TXNL1: variants seen among roughly 807,000 people sequenced by gnomAD.
TXNL1 encodes thioredoxin like 1, also known as thioredoxin-like protein 1.
Under a neutral mutation model 35.5 loss-of-function variants are expected in TXNL1, and 14 were observed. The observed-to-expected ratio is 0.39, with a 90% CI of 0.26 to 0.62. TXNL1 has a LOEUF of 0.62. TXNL1 is among the 20% of genes least tolerant of loss of function. The pLI is 0.47. For synonymous variants in TXNL1, 110 were observed against 115.5 expected (o/e 0.95, Z 0.31); for missense variants, 263 against 349.7 (o/e 0.75, Z 1.98).
At chr18:56,608,648 CA>C (rs1459295947) in intron 7 of TXNL1, 3 of 152,072 alleles carry the variant, frequency 2.0e-5, no homozygotes, top group African/African-American at 7.2e-5. Flanking sequence ...CACAAGTATC[CA>C]GGGGAGTTTT....
chr18:56,625,190 C>G (rs573853456), intron 2 of TXNL1, among the ~76,000 whole-genome samples: 2 of 152,072 alleles, frequency 1.3e-5, no homozygotes, highest in African/African-American at 4.8e-5. Flanking sequence ...AAAGATAACA[C>G]AGGAATGTCT....
intron 1 of TXNL1, among the ~76,000 whole-genome samples, chr18:56,627,511 T>C (rs1202849867): frequency 6.6e-6 from 1 of 152,204 alleles, no homozygotes. Flanking sequence ...ATTAAGAGAA[T>C]ATAGTACTTG....
At chr18:56,603,338 G>T (rs2023838463) in intron 7 of TXNL1, among the ~76,000 whole-genome samples, 4 of 148,104 alleles carry the variant, frequency 2.7e-5, no homozygotes, top group African/African-American at 9.8e-5. Flanking sequence ...GTTTAGAGAA[G>T]TTAATTTAAA....
chr18:56,633,698 A>C (rs1489097374), intron 1 of TXNL1, among the ~76,000 whole-genome samples: 1 of 151,610 alleles, frequency 6.6e-6, no homozygotes, highest in Non-Finnish European at 1.5e-5. Context: ...CAAGATAAAA[A>C]CCATTGGCTG....
At chr18:56,615,987 G>A (rs375005465) in intron 5 of TXNL1, among the ~76,000 whole-genome samples, 2 of 151,986 alleles carry the variant, frequency 1.3e-5, no homozygotes, top group Non-Finnish European at 2.9e-5. Flanking sequence ...TCAGCCAGGC[G>A]TGGTGGCGCC....
chr18:56,618,108 T>C lies in TXNL1; in HGVS notation c.388A>G (p.Ile130Val), dbSNP rs2024120768. 1 of 1,613,700 alleles carries C rather than the reference T, an allele frequency of 6.2e-7. No individual in the cohort carries two copies. Among genetic ancestry groups the C allele is most frequent in the South Asian group, 1.1e-5 (1 of 91,064 alleles). The change falls in exon 4 of 8, where the codon ATT (isoleucine) becomes GTT (valine). Residue 130 changes from isoleucine (I) to valine (V), a missense_variant. By Grantham distance (29) the Ile-to-Val change is conservative (BLOSUM62 3). Coordinates refer to ENST00000217515, the MANE Select transcript of TXNL1 (RefSeq NM_004786.3). ...AGACATTCACAACCAGCTTTGTTAA[T>C]AAAAGGCATTAAATCCATCTGAAAA... Reference protein sequence around the residue: ...PKGYMDLMPFINKAGCECLNE... With the variant: ...PKGYMDLMPFVNKAGCECLNE...
At chr18:56,622,010 C>CAAAA (rs373833617) in intron 3 of TXNL1, among the ~76,000 whole-genome samples, 1 of 73,146 alleles carries the variant, frequency 1.4e-5, no homozygotes, top group Admixed American at 1.6e-4. Flanking sequence ...AACTCCATCT[C>CAAAA]AAAAAAAAAA....
intron 6 of TXNL1, among the ~76,000 whole-genome samples, chr18:56,613,922 T>C (rs2024038224): frequency 6.6e-6 from 1 of 151,796 alleles, no homozygotes; most frequent in Non-Finnish European, 1.5e-5. Flanking sequence ...AATCCCAGCT[T>C]CTCAGGAGGC....
intron 1 of TXNL1, among the ~76,000 whole-genome samples, chr18:56,636,709 C>G (rs9789165): frequency 0.066 from 10,105 of 152,216 alleles, 525 homozygotes; most frequent in East Asian, 0.23. Flanking sequence ...CCCCAGTTTT[C>G]TCACTTCAAT....
At chr18:56,622,648 T>C (rs942792254) in intron 3 of TXNL1, among the ~76,000 whole-genome samples, 32 of 152,204 alleles carry the variant, frequency 2.1e-4, no homozygotes, top group African/African-American at 5.8e-4. Flanking sequence ...TCCTATTTCC[T>C]ATCTGAGGCC....
chr18:56,618,655 C>T (rs2024129532), intron 3 of TXNL1, among the ~76,000 whole-genome samples: 1 of 151,854 alleles, frequency 6.6e-6, no homozygotes, highest in South Asian at 2.1e-4. Context: ...ATCTTTAACC[C>T]CCAACTACAT....
intron 1 of TXNL1, among the ~76,000 whole-genome samples, chr18:56,626,953 T>A (rs1007842310): frequency 2.0e-5 from 3 of 150,244 alleles, no homozygotes; most frequent in African/African-American, 7.4e-5. Context: ...TACAGGTGCA[T>A]GCCACCACAC....
intron 3 of TXNL1, among the ~76,000 whole-genome samples, chr18:56,620,205 A>T (rs930873667): frequency 6.6e-6 from 1 of 152,118 alleles, no homozygotes; most frequent in African/African-American, 2.4e-5. Context: ...GCCTCAAGTG[A>T]TCTACCCACC....
chr18:56,608,092 C>G (rs570867171), intron 7 of TXNL1, among the ~76,000 whole-genome samples: 1 of 152,196 alleles, frequency 6.6e-6, no homozygotes, highest in Non-Finnish European at 1.5e-5. Flanking sequence ...AATGTATCCC[C>G]CCGCCCCGAC....
At chr18:56,608,254 A>G (rs957363924) in intron 7 of TXNL1, 1 of 152,338 alleles carries the variant, frequency 6.6e-6, no homozygotes, top group South Asian at 2.1e-4. Flanking sequence ...TTTCAGTTAC[A>G]TGTAAACCCT....
intron 5 of TXNL1, 36 bp downstream of exon 5, chr18:56,616,209 A>T: frequency 6.4e-7 from 1 of 1,572,314 alleles, no homozygotes; most frequent in Non-Finnish European, 8.7e-7. Flanking sequence ...TCTACAAAGC[A>T]GAAGTTAGTT....
rs2023807720 is a variant in TXNL1, at chr18:56,601,309, G to A, written c.*1718C>T. 1 of 152,132 alleles carries A rather than the reference G, an allele frequency of 6.6e-6. No individual in the cohort carries two copies. The highest frequency in any genetic ancestry group is 1.5e-5 in the Non-Finnish European group (1 of 68,000). The allele number at this position is 152,132 out of a possible 1,614,324, so 9.4% of individuals were successfully genotyped here. On this transcript the variant is annotated 3_prime_UTR_variant, in exon 8 of 8. Coordinates refer to ENST00000217515, the MANE Select transcript of TXNL1 (RefSeq NM_004786.3). ...CATACTGCAACTAATTGTTATAGAAGAGTCACATAGACAATATAAATCTGA... is the reference window on the plus strand; with the variant it reads ...CATACTGCAACTAATTGTTATAGAAAAGTCACATAGACAATATAAATCTGA...
intron 1 of TXNL1, among the ~76,000 whole-genome samples, chr18:56,630,029 T>C (rs2144330802): frequency 6.6e-6 from 1 of 152,062 alleles, no homozygotes. Context: ...TGAAACCCCA[T>C]CTCGACTAAA....
In TXNL1 at chr18:56,606,442, G is replaced by A. The variant is rs533714214; in HGVS notation, c.841-3386C>T. Among the ~76,000 whole-genome samples, 125 of 152,258 alleles carry A rather than the reference G, an allele frequency of 8.2e-4. 1 individual carries two copies. In the Middle Eastern group the frequency reaches 0.01, roughly 12 times the overall value. ...ATACTAATTCAGACTGAGCAAACAA[G>A]TAAAAGAAAAGACATGCCACATGTG... On this transcript the variant is annotated intron_variant, in intron 7 of 7. Coordinates refer to ENST00000217515, the MANE Select transcript of TXNL1 (RefSeq NM_004786.3).
Sources: allele counts gnomAD v4.1 joint callset (sites outside exome capture counted in the v4.1 genomes callset), GRCh38; gene constraint gnomAD v4.1.1; transcripts MANE v1.5; gene names NCBI Gene and HGNC (gene_info 2026-07-23, HGNC 2026-07-21).